CDK19: variants seen among roughly 807,000 people sequenced by gnomAD.
The protein encoded by CDK19 is cyclin dependent kinase 19, also known as cyclin-dependent kinase 19.
CDK19 carries 20 observed loss-of-function variants against 68.3 expected under a neutral mutation model. The ratio of observed to expected loss-of-function variants is 0.29; its 90% CI spans 0.21 to 0.43. The LOEUF (loss-of-function observed/expected upper bound fraction) is 0.43. CDK19 is among the 20% of genes least tolerant of loss of function. The pLI, the probability that CDK19 is intolerant of heterozygous loss-of-function variation, is 1.00. For synonymous variants in CDK19, 221 were observed against 222.8 expected (o/e 0.99, Z 0.07); for missense variants, 339 against 623.5 (o/e 0.54, Z 4.86).
chr6:110,656,032 C>T (rs2114312002), intron 4 of CDK19, among the ~76,000 whole-genome samples: 1 of 152,270 alleles, frequency 6.6e-6, no homozygotes, highest in East Asian at 1.9e-4. Flanking sequence ...TCTCCCCACC[C>T]ACCTCTCTTC....
intron 1 of CDK19, among the ~76,000 whole-genome samples, chr6:110,772,203 T>G (rs974350308): frequency 7.2e-5 from 11 of 152,116 alleles, no homozygotes; most frequent in African/African-American, 2.7e-4. Context: ...TTAATTGGAC[T>G]TACAGTTCCA....
intron 8 of CDK19, among the ~76,000 whole-genome samples, chr6:110,624,299 C>T (rs1260168477): frequency 6.6e-6 from 1 of 151,838 alleles, no homozygotes; most frequent in Admixed American, 6.6e-5. Context: ...GTTCTAATTC[C>T]TAGGTTCAGA....
intron 2 of CDK19, among the ~76,000 whole-genome samples, chr6:110,677,441 C>G (rs1235080921): frequency 6.6e-6 from 1 of 151,984 alleles, no homozygotes; most frequent in Non-Finnish European, 1.5e-5. Flanking sequence ...TGGTGGGCAC[C>G]TGTAGTCCCA....
intron 1 of CDK19, among the ~76,000 whole-genome samples, chr6:110,800,180 TAA>T (rs765430969): frequency 2.0e-5 from 3 of 152,080 alleles, no homozygotes; most frequent in Non-Finnish European, 4.4e-5. Context: ...GAAGTAGCAA[TAA>T]AGAGTGGGAA....
intron 2 of CDK19, among the ~76,000 whole-genome samples, chr6:110,691,440 C>G (rs1772979818): frequency 6.6e-6 from 1 of 151,160 alleles, no homozygotes; most frequent in African/African-American, 2.4e-5. Context: ...TGCCATTGCA[C>G]CCCAGCCTGG....
chr6:110,729,532 G>A (rs965432837), intron 2 of CDK19, among the ~76,000 whole-genome samples: 1 of 151,892 alleles, frequency 6.6e-6, no homozygotes, highest in African/African-American at 2.4e-5. Flanking sequence ...GGGTTCAAGT[G>A]AGTCTCATGC....
intron 4 of CDK19, among the ~76,000 whole-genome samples, chr6:110,647,621 A>G (rs886637516): frequency 6.6e-6 from 1 of 152,234 alleles, no homozygotes; most frequent in Non-Finnish European, 1.5e-5. Flanking sequence ...AACTGAAGAA[A>G]CTAAGAAATG....
At chr6:110,658,425 A>G (rs1781431365) in intron 4 of CDK19, among the ~76,000 whole-genome samples, 1 of 152,244 alleles carries the variant, frequency 6.6e-6, no homozygotes. Flanking sequence ...ATTAAAAGAA[A>G]TACTACTTCT....
intron 1 of CDK19, among the ~76,000 whole-genome samples, chr6:110,791,634 C>A: frequency 6.6e-6 from 1 of 151,996 alleles, no homozygotes; most frequent in Non-Finnish European, 1.5e-5. Flanking sequence ...AACTTTACTT[C>A]TTTTTGCTTA....
intron 8 of CDK19, among the ~76,000 whole-genome samples, chr6:110,624,839 C>T (rs1319271567): frequency 1.3e-5 from 2 of 152,142 alleles, no homozygotes; most frequent in Non-Finnish European, 2.9e-5. Flanking sequence ...CTCAGAGACC[C>T]CTACTAGACC....
chr6:110,642,675 C>T (rs1780283102), intron 4 of CDK19, among the ~76,000 whole-genome samples: 1 of 152,058 alleles, frequency 6.6e-6, no homozygotes, highest in Non-Finnish European at 1.5e-5. Context: ...AGAAACAAAC[C>T]AGGCACGGTG....
rs1328487683 is a variant in CDK19 at position 110,815,257 on chromosome 6, G to C, written c.-121C>G. On this transcript the variant is annotated 5_prime_UTR_variant, in exon 1 of 13. Transcript: ENST00000368911. The stretch of plus-strand genomic sequence containing the variant: ...AGCCGCCTCTCGCGCGCGCGCGCGC[G>C]CCGCCCGCCGCCCGCCGCTCCGCGG... 1.3e-5 allele frequency: 13 copies of C among 1,022,258 alleles called. No individual in the cohort carries two copies. Among genetic ancestry groups the C allele is most frequent in the Non-Finnish European group, 1.5e-5 (12 of 782,512 alleles). The allele number at this position is 1,022,258 out of a possible 1,614,324, so 63.3% of individuals were successfully genotyped here. A position where few individuals can be genotyped will look rare whatever the true frequency, so the allele number is the denominator to read the frequency against.
At chr6:110,679,238 C>A (rs1216172888) in intron 2 of CDK19, among the ~76,000 whole-genome samples, 1 of 152,016 alleles carries the variant, frequency 6.6e-6, no homozygotes, top group Non-Finnish European at 1.5e-5. Flanking sequence ...ACTGCTTGAG[C>A]CCACGAGTTC....
intron 2 of CDK19, among the ~76,000 whole-genome samples, chr6:110,709,958 G>A (rs1475205693): frequency 6.6e-6 from 1 of 151,918 alleles, no homozygotes; most frequent in Non-Finnish European, 1.5e-5. Flanking sequence ...TAATAAATAG[G>A]TTTGACTTTA....
At chr6:110,794,963 C>G (rs1371483333) in intron 1 of CDK19, among the ~76,000 whole-genome samples, 1 of 151,814 alleles carries the variant, frequency 6.6e-6, no homozygotes, top group African/African-American at 2.4e-5. Flanking sequence ...CCAAGGAAAA[C>G]TTGCTGCTGT....
At chr6:110,628,789 TAC>T (rs778937754) in intron 6 of CDK19, among the ~76,000 whole-genome samples, 1 of 152,314 alleles carries the variant, frequency 6.6e-6, no homozygotes, top group African/African-American at 2.4e-5. Context: ...CACATTCAGG[TAC>T]AGTTTCCTTC....
intron 2 of CDK19, among the ~76,000 whole-genome samples, chr6:110,726,462 G>T (rs906830539): frequency 6.6e-6 from 1 of 152,058 alleles, no homozygotes; most frequent in African/African-American, 2.4e-5. Flanking sequence ...AAAATGGGGG[G>T]ATTATTAAGT....
chr6:110,720,945 C>A (rs565484891), intron 2 of CDK19, among the ~76,000 whole-genome samples: 12 of 151,484 alleles, frequency 7.9e-5, no homozygotes, highest in Non-Finnish European at 1.6e-4. Context: ...TCCTGTAAAA[C>A]CTTGATTTGG....
At chr6:110,617,026 G>C (rs1484452358) in intron 12 of CDK19, among the ~76,000 whole-genome samples, 1 of 152,004 alleles carries the variant, frequency 6.6e-6, no homozygotes, top group Admixed American at 6.6e-5. Context: ...GAACTGTTGG[G>C]GCACAGAAAA....
Sources: gnomAD v4.1 joint callset for allele counts (sites outside exome capture counted in the v4.1 genomes callset) on GRCh38, gnomAD v4.1.1 for gene constraint, MANE v1.5 for transcripts, NCBI Gene and HGNC (gene_info 2026-07-23, HGNC 2026-07-21) for gene names.